MLIP: variants seen among roughly 807,000 people sequenced by gnomAD.
MLIP encodes the protein muscular LMNA-interacting protein.
Under a neutral mutation model 84.8 loss-of-function variants are expected in MLIP, and 79 were observed. The ratio of observed to expected loss-of-function variants is 0.93; its 90% CI spans 0.78 to 1.12. The LOEUF (loss-of-function observed/expected upper bound fraction) is 1.12, where lower values mean the gene tolerates loss of function less well. Ranked by LOEUF, MLIP falls within the 50% of genes most tolerant of loss-of-function variation. The pLI is 0.00. For missense variants in MLIP, 1,257 were observed against 1,160.6 expected, an observed-to-expected ratio of 1.08 and a Z score of -1.21; for synonymous variants, 504 against 463.0, an observed-to-expected ratio of 1.09 and a Z score of -1.14.
chr6:54,176,902 TCTA>T (rs1420768250), intron 9 of MLIP, among the ~76,000 whole-genome samples: 1 of 151,714 alleles, frequency 6.6e-6, no homozygotes, highest in Admixed American at 6.6e-5. Context: ...AGACCACACA[TCTA>T]CAACTATCTG....
rs554004700 is a variant in MLIP, at chr6:54,050,809, T to C, written c.63+31718T>C. 3.9e-5 allele frequency among the ~76,000 whole-genome samples: 6 copies of C among 152,312 alleles called. No individual in the cohort carries two copies. The East Asian group carries it at 1.2e-3, about 29-fold the overall frequency. On this transcript the variant is annotated intron_variant, in intron 1 of 12. Transcript: ENST00000274897. ...CTACACTCTGAGGTTTTGAGAATTC[T>C]GAAAGGCTATTAAAGATGGGAAGTT...
chr6:54,108,706 T>C (rs1769199933), upstream of MLIP, among the ~76,000 whole-genome samples: 1 of 152,128 alleles, frequency 6.6e-6, no homozygotes, highest in African/African-American at 2.4e-5. Context: ...GGTTTTCATG[T>C]TGTAAAATGA....
At chr6:54,253,553 T>C (rs1392502276) in intron 12 of MLIP, among the ~76,000 whole-genome samples, 3 of 152,202 alleles carry the variant, frequency 2.0e-5, no homozygotes, top group Non-Finnish European at 1.5e-5. Context: ...TCATGTCTTG[T>C]GTACATTAAA....
At chr6:54,052,902 T>A (rs114324291) in intron 1 of MLIP, among the ~76,000 whole-genome samples, 1 of 152,316 alleles carries the variant, frequency 6.6e-6, no homozygotes, top group African/African-American at 2.4e-5. Flanking sequence ...GGTCTCATAT[T>A]AATATGCTGG....
chr6:54,217,604 T>C (rs559875418), intron 11 of MLIP: 1 of 983,778 alleles, frequency 1.0e-6, no homozygotes, highest in South Asian at 4.7e-5. Context: ...AATGATAGTA[T>C]CATCTCAAAA....
In MLIP at chr6:54,137,478, C is replaced by G; in HGVS notation, c.1409C>G (p.Ser470Cys). The change falls in exon 4 of 14, where the codon TCC becomes TGC. Residue 470 changes from serine to cysteine, a missense_variant. By Grantham distance (112) the Ser-to-Cys change is moderately radical. Transcript: ENST00000502396. Reference sequence around the variant, plus strand: ...CCTAAAAAATCTCTCTCAAGTTGTTCCCTGAGAGCCGGGTCACCAGATCAA... The same window carrying G: ...CCTAAAAAATCTCTCTCAAGTTGTTGCCTGAGAGCCGGGTCACCAGATCAA... ...PTPKKSLSSC[S>C]LRAGSPDQGE... 1 of 1,536,102 alleles carries G rather than the reference C, an allele frequency of 6.5e-7. No individual in the cohort carries two copies. The highest frequency in any genetic ancestry group is 1.4e-5 in the African/African-American group (1 of 73,148).
intron 3 of MLIP, among the ~76,000 whole-genome samples, chr6:54,131,965 G>C (rs564228327): frequency 5.2e-4 from 79 of 152,150 alleles, no homozygotes; most frequent in Admixed American, 3.3e-3. Context: ...TCTGGTGGCT[G>C]AGTAGTTGTG....
At chr6:54,035,750 A>AT (rs1405371614) in intron 1 of MLIP, among the ~76,000 whole-genome samples, 1 of 151,924 alleles carries the variant, frequency 6.6e-6, no homozygotes, top group African/African-American at 2.4e-5. Flanking sequence ...CTTATTTGCC[A>AT]TATGTATATC....
chr6:54,072,599 G>A (rs1419162998), intron 1 of MLIP, among the ~76,000 whole-genome samples: 3 of 152,112 alleles, frequency 2.0e-5, no homozygotes, highest in Non-Finnish European at 4.4e-5. Context: ...GTGAAATGAG[G>A]CACTGCTTAT....
At chr6:54,099,934 C>A (rs1267514426) in intron 1 of MLIP, among the ~76,000 whole-genome samples, 1 of 151,986 alleles carries the variant, frequency 6.6e-6, no homozygotes, top group Non-Finnish European at 1.5e-5. Flanking sequence ...AAAAGGAAAT[C>A]AAAATGCTGA....
At chr6:54,148,810 A>G (rs1206489812) in intron 4 of MLIP, among the ~76,000 whole-genome samples, 1 of 152,158 alleles carries the variant, frequency 6.6e-6, no homozygotes, top group Non-Finnish European at 1.5e-5. Flanking sequence ...AAGCTCTGAA[A>G]TGGAGTGGCA....
chr6:54,175,740 T>A (rs1160969151), intron 9 of MLIP, among the ~76,000 whole-genome samples: 1 of 151,944 alleles, frequency 6.6e-6, no homozygotes, highest in Non-Finnish European at 1.5e-5. Context: ...GCCCTTTATT[T>A]TTTCTCTTGT....
At chr6:54,195,488 G>A (rs1235624403) in intron 10 of MLIP, among the ~76,000 whole-genome samples, 1 of 152,048 alleles carries the variant, frequency 6.6e-6, no homozygotes, top group East Asian at 1.9e-4. Context: ...TATTGGTCAT[G>A]GATTCTCTAG....
At position 54,111,471 on chromosome 6, in the gene MLIP, G is replaced by A. The variant is rs1010048418; in HGVS notation, c.-9G>A. ...CATTGGTTTGCTCGCTCCCTTATGT[G>A]ATGAATCAATGCTTTCAGAACAGGG... On this transcript the variant is annotated 5_prime_UTR_variant, in exon 1 of 14. An upstream open reading frame in the 5' UTR loses its in-frame stop. Coordinates refer to ENST00000502396, the MANE Select transcript of MLIP (RefSeq NM_001281747.2). 7.8e-6 allele frequency: 12 copies of A among 1,535,832 alleles called. No individual in the cohort carries two copies. Among genetic ancestry groups the A allele is most frequent in the Non-Finnish European group, 8.7e-6 (10 of 1,146,810 alleles).
chr6:54,179,678 C>T (rs534657586), intron 9 of MLIP, among the ~76,000 whole-genome samples: 1 of 152,084 alleles, frequency 6.6e-6, no homozygotes, highest in African/African-American at 2.4e-5. Context: ...ACATGCAAAA[C>T]GAAAACTAAT....
intron 9 of MLIP, among the ~76,000 whole-genome samples, chr6:54,185,922 C>A (rs1251998179): frequency 6.6e-6 from 1 of 152,120 alleles, no homozygotes; most frequent in Non-Finnish European, 1.5e-5. Context: ...TTTTCCTAAA[C>A]CTCAGTGCAC....
At chr6:54,129,187 G>T (rs1771176682) in intron 3 of MLIP, among the ~76,000 whole-genome samples, 1 of 151,912 alleles carries the variant, frequency 6.6e-6, no homozygotes, top group Non-Finnish European at 1.5e-5. Flanking sequence ...TTTGGATGGG[G>T]CATTAGACAT....
rs1402267674 is a variant in MLIP at position 54,026,986 on chromosome 6, T to C, written c.63+7895T>C. Among the ~76,000 whole-genome samples the C allele has an allele frequency of 2.6e-5, 4 of 152,212 alleles. No homozygotes were observed. The East Asian group carries it at 7.7e-4, about 29-fold the overall frequency. ...TATTTTATACATCTATCAAAAGTGC[T>C]CTCTGGCTGTGGATTTATTAAATTC... On this transcript the variant is annotated intron_variant, in intron 1 of 12. Coordinates refer to the MLIP transcript ENST00000274897.
upstream of MLIP, among the ~76,000 whole-genome samples, chr6:54,109,712 A>G (rs1769279173): frequency 6.6e-6 from 1 of 152,004 alleles, no homozygotes. Context: ...TTTGCTACTC[A>G]AAGTGTAACA....
Sources: allele counts gnomAD v4.1 joint callset (sites outside exome capture counted in the v4.1 genomes callset), GRCh38; gene constraint gnomAD v4.1.1; transcripts MANE v1.5; gene names NCBI Gene and HGNC (gene_info 2026-07-23, HGNC 2026-07-21).